C1QTNF3: variants seen among roughly 807,000 people sequenced by gnomAD.
The protein encoded by C1QTNF3 is C1q and TNF related 3, also known as complement C1q tumor necrosis factor-related protein 3.
C1QTNF3 carries 26 observed loss-of-function variants against 32.6 expected under a neutral mutation model. The observed-to-expected ratio is 0.80, with a 90% CI of 0.58 to 1.11. C1QTNF3 has a LOEUF of 1.11. Among genes scored for constraint, C1QTNF3 ranks in the 50% least tolerant of loss-of-function variants. C1QTNF3 has a pLI of 0.00. For missense variants in C1QTNF3, 362 were observed against 398.2 expected, an observed-to-expected ratio of 0.91 and a Z score of 0.77; for synonymous variants, 155 against 146.0, an observed-to-expected ratio of 1.06 and a Z score of -0.44.
At chr5:34,215,407 T>C in the C1QTNF3 span, among the ~76,000 whole-genome samples, 1 of 152,172 alleles carries the variant, frequency 6.6e-6, no homozygotes, top group East Asian at 1.9e-4. Context: ...TTGAATGTAG[T>C]TATACTCCTG....
chr5:34,073,966 AT>A, the C1QTNF3 span, among the ~76,000 whole-genome samples: 3 of 152,114 alleles, frequency 2.0e-5, no homozygotes, highest in African/African-American at 4.8e-5. Flanking sequence ...TCATTCAATC[AT>A]TTTTTTGATT....
chr5:34,020,439 G>T lies in C1QTNF3; in HGVS notation c.*144C>A. On this transcript the variant is annotated 3_prime_UTR_variant, in exon 6 of 6. Transcript: ENST00000382065. ...GCCCCTGAATTGTCCAACATTATTGGTGTACCTGTAGCGTGAACAACATTG... is the reference window on the plus strand; with the variant it reads ...GCCCCTGAATTGTCCAACATTATTGTTGTACCTGTAGCGTGAACAACATTG... 1.1e-6 allele frequency: 1 copy of T among 941,460 alleles called. No homozygotes were observed. Among genetic ancestry groups the T allele is most frequent in the Non-Finnish European group, 1.6e-6 (1 of 620,724 alleles). 58.3% of individuals were successfully genotyped at this position (941,460 alleles called of 1,614,324 possible).
chr5:34,221,994 G>C, the C1QTNF3 span, among the ~76,000 whole-genome samples: 1 of 151,864 alleles, frequency 6.6e-6, no homozygotes, highest in Admixed American at 6.6e-5. Context: ...GGAATGAGAG[G>C]GTCCAAGCTG....
chr5:34,047,791 T>C (rs1476576860), upstream of C1QTNF3, among the ~76,000 whole-genome samples: 1 of 152,214 alleles, frequency 6.6e-6, no homozygotes, highest in African/African-American at 2.4e-5. Context: ...AAGGGCTTTT[T>C]CAGATGCTCT....
chr5:34,070,953 T>C, the C1QTNF3 span, among the ~76,000 whole-genome samples: 1 of 152,186 alleles, frequency 6.6e-6, no homozygotes, highest in Non-Finnish European at 1.5e-5. Flanking sequence ...CATGGGCTGT[T>C]AACAAATTTG....
the C1QTNF3 span, chr5:34,200,743 A>G: frequency 1.3e-5 from 2 of 152,096 alleles, no homozygotes; most frequent in Non-Finnish European, 2.9e-5. Flanking sequence ...CTACATTCTG[A>G]TCACCACAAT....
At chr5:34,047,609 T>C (rs61241282), upstream of C1QTNF3, among the ~76,000 whole-genome samples, 10 of 152,312 alleles carry the variant, frequency 6.6e-5, no homozygotes, top group East Asian at 1.9e-3. Flanking sequence ...CTCTTGCCTC[T>C]TCCCAGTGAA....
intron 4 of C1QTNF3, among the ~76,000 whole-genome samples, chr5:34,025,513 A>G (rs1319201637): frequency 6.6e-6 from 1 of 152,244 alleles, no homozygotes; most frequent in Non-Finnish European, 1.5e-5. Context: ...CTGAAACCAG[A>G]GGAGACACAT....
the C1QTNF3 span, among the ~76,000 whole-genome samples, chr5:34,209,056 T>C: frequency 2.6e-5 from 4 of 152,158 alleles, no homozygotes; most frequent in Non-Finnish European, 5.9e-5. Flanking sequence ...CCTCCTATAA[T>C]ACGAGGCTAG....
At chr5:34,167,832 A>C in the C1QTNF3 span, 16 of 152,302 alleles carry the variant, frequency 1.1e-4, no homozygotes, top group African/African-American at 3.4e-4. Context: ...GTTTTCTTTT[A>C]AAAATGTATG....
the C1QTNF3 span, chr5:34,192,355 G>A: frequency 1.4e-6 from 1 of 713,280 alleles, no homozygotes; most frequent in African/African-American, 1.8e-5. Flanking sequence ...CAGATCCCAG[G>A]CCTCTAGGCC....
chr5:34,189,677 C>G, the C1QTNF3 span, among the ~76,000 whole-genome samples: 1 of 152,176 alleles, frequency 6.6e-6, no homozygotes, highest in Non-Finnish European at 1.5e-5. Flanking sequence ...CCACTGCTCC[C>G]AGGAGCGGTT....
At position 34,019,024 on chromosome 5, in the gene C1QTNF3, A is replaced by G. The variant is rs933141158; in HGVS notation, c.*1559T>C. ...GCGCCTGTAGTCCCAGCTACTCAGG[A>G]GGCTGAGGTAGGAGAGTCACTTGAA... On this transcript the variant is annotated 3_prime_UTR_variant, in exon 6 of 6. Coordinates refer to ENST00000382065, the MANE Select transcript of C1QTNF3 (RefSeq NM_181435.6). Among the ~76,000 whole-genome samples, 2 of 152,006 alleles carry G rather than the reference A, an allele frequency of 1.3e-5. No individual in the cohort carries two copies. Among genetic ancestry groups the G allele is most frequent in the Non-Finnish European group, 1.5e-5 (1 of 68,020 alleles).
At chr5:34,239,208 A>T in the C1QTNF3 span, among the ~76,000 whole-genome samples, 3 of 152,022 alleles carry the variant, frequency 2.0e-5, no homozygotes, top group Non-Finnish European at 4.4e-5. Flanking sequence ...TACATAGCTC[A>T]CAGGCACTAT....
At chr5:34,222,225 C>T in the C1QTNF3 span, among the ~76,000 whole-genome samples, 3 of 151,724 alleles carry the variant, frequency 2.0e-5, no homozygotes, top group Non-Finnish European at 4.4e-5. Context: ...TATATGATAC[C>T]TTAGGGATTG....
chr5:34,085,565 A>G, the C1QTNF3 span, among the ~76,000 whole-genome samples: 3 of 151,600 alleles, frequency 2.0e-5, no homozygotes, highest in Non-Finnish European at 4.4e-5. Flanking sequence ...GTAGACTTGT[A>G]GTATAGTTTG....
the C1QTNF3 span, among the ~76,000 whole-genome samples, chr5:34,127,171 T>G: frequency 1.3e-5 from 2 of 151,838 alleles, no homozygotes; most frequent in South Asian, 2.1e-4. Flanking sequence ...TACAGAAAGC[T>G]GGTACCGGGA....
chr5:34,146,547 A>G, the C1QTNF3 span, among the ~76,000 whole-genome samples: 1 of 152,204 alleles, frequency 6.6e-6, no homozygotes, highest in African/African-American at 2.4e-5. Context: ...AACAAGGTGG[A>G]CAATAATAAG....
At chr5:34,043,923 CTTTT>C (rs1417185998), upstream of C1QTNF3, 1 of 152,206 alleles carries the variant, frequency 6.6e-6, no homozygotes, top group African/African-American at 2.4e-5. Context: ...GCTCCTCTTT[CTTTT>C]GACATATTCT....
Sources: allele counts gnomAD v4.1 joint callset (sites outside exome capture counted in the v4.1 genomes callset), GRCh38; gene constraint gnomAD v4.1.1; transcripts MANE v1.5; gene names NCBI Gene and HGNC (gene_info 2026-07-23, HGNC 2026-07-21).